Variants in KMT2E observed in about 807,000 individuals in gnomAD.
KMT2E encodes lysine methyltransferase 2E (inactive).
In KMT2E, 30 loss-of-function variants were observed where a neutral mutation model predicts 184.6. The ratio of observed to expected loss-of-function variants is 0.16; its 90% CI spans 0.12 to 0.22. KMT2E has a LOEUF of 0.22. Ranked by LOEUF, KMT2E falls within the 10% of genes least tolerant of loss-of-function variation. The pLI is 1.00. For missense variants in KMT2E, 2,023 were observed against 2,237.4 expected (o/e 0.90, Z 1.93); for synonymous variants, 815 against 776.5 (o/e 1.05, Z -0.82).
intron 6 of KMT2E, among the ~76,000 whole-genome samples, chr7:105,067,987 C>T (rs1393936142): frequency 1.3e-5 from 2 of 152,098 alleles, no homozygotes; most frequent in Non-Finnish European, 1.5e-5. Flanking sequence ...AACAAAAAAC[C>T]GCAAAGCCAT....
intron 1 of KMT2E, among the ~76,000 whole-genome samples, chr7:105,026,266 C>G (rs1458584811): frequency 2.0e-5 from 3 of 152,120 alleles, no homozygotes; most frequent in African/African-American, 7.2e-5. Context: ...AATGGGACTT[C>G]AGGATCTGAC....
intron 3 of KMT2E, among the ~76,000 whole-genome samples, chr7:105,051,413 G>C (rs996591468): frequency 6.6e-6 from 1 of 151,928 alleles, no homozygotes. Context: ...TCAAACTCCC[G>C]ACCTCAGGTG....
At chr7:105,096,709 A>T (rs752459817) in intron 15 of KMT2E, among the ~76,000 whole-genome samples, 1 of 152,248 alleles carries the variant, frequency 6.6e-6, no homozygotes, top group East Asian at 1.9e-4. Context: ...TGTTTATAAC[A>T]ACCACTTGAG....
At chr7:105,075,546 A>G (rs1010224521) in intron 8 of KMT2E, among the ~76,000 whole-genome samples, 1 of 152,134 alleles carries the variant, frequency 6.6e-6, no homozygotes, top group Non-Finnish European at 1.5e-5. Flanking sequence ...CAACAAAATT[A>G]TATGTCTAAC....
At chr7:105,052,858 G>C (rs971971801) in intron 3 of KMT2E, among the ~76,000 whole-genome samples, 2 of 152,062 alleles carry the variant, frequency 1.3e-5, no homozygotes, top group Non-Finnish European at 2.9e-5. Context: ...GAGATTACAG[G>C]CATGAGCCAC....
intron 3 of KMT2E, among the ~76,000 whole-genome samples, chr7:105,042,192 C>T (rs1795909925): frequency 6.6e-6 from 1 of 152,012 alleles, no homozygotes; most frequent in Non-Finnish European, 1.5e-5. Context: ...GGTTTCACCA[C>T]ATTGACCAGG....
rs1275714288 is a variant in KMT2E, at chr7:105,113,396, C to G, written c.*63C>G. 1.3e-6 allele frequency: 2 copies of G among 1,486,662 alleles called. No homozygotes were observed. The highest frequency in any genetic ancestry group is 2.4e-5 in the East Asian group (1 of 42,084). The allele number at this position is 1,486,662 out of a possible 1,614,324, so 92.1% of individuals were successfully genotyped here. A position where few individuals can be genotyped will look rare whatever the true frequency, so the allele number is the denominator to read the frequency against. ...GATAAACTGTATATTTCATATGTAC[C>G]TGTTAAGGTACTTTTTAAAGCTTGT... On this transcript the variant is annotated 3_prime_UTR_variant, in exon 27 of 27. Coordinates refer to ENST00000311117, the MANE Select transcript of KMT2E (RefSeq NM_182931.3).
chr7:105,087,115 CTATG>C (rs1443254388), intron 13 of KMT2E, among the ~76,000 whole-genome samples: 1 of 146,100 alleles, frequency 6.8e-6, no homozygotes, highest in Non-Finnish European at 1.5e-5. Context: ...AGCATATGTG[CTATG>C]TATGTGCTAA....
rs771888279 is a variant in KMT2E, at chr7:105,107,148, TTC to T, written c.2848-16_2848-15del. On this transcript the variant is annotated splice_polypyrimidine_tract_variant and intron_variant, in intron 20 of 26. Coordinates refer to ENST00000311117, the MANE Select transcript of KMT2E (RefSeq NM_182931.3). ...CGTATTTTTAAATTTTCAATTCTAA[TTC>T]TTTCTTTATATACAGAATATTTCTT... 5 of 1,325,446 alleles carry T rather than the reference TTC, an allele frequency of 3.8e-6. No homozygotes were observed. Among genetic ancestry groups the T allele is most frequent in the Admixed American group, 4.6e-5 (2 of 43,416 alleles). 82.1% of individuals were successfully genotyped at this position (1,325,446 alleles called of 1,614,324 possible). A position where few individuals can be genotyped will look rare whatever the true frequency, so the allele number is the denominator to read the frequency against.
At chr7:105,018,924 A>G (rs1292761257) in intron 1 of KMT2E, among the ~76,000 whole-genome samples, 1 of 152,194 alleles carries the variant, frequency 6.6e-6, no homozygotes, top group Non-Finnish European at 1.5e-5. Flanking sequence ...TGCAATTGCT[A>G]TTAAACAATG....
At chr7:105,077,653 A>G (rs1797587557) in intron 11 of KMT2E, 3 of 441,212 alleles carry the variant, frequency 6.8e-6, no homozygotes, top group African/African-American at 2.0e-5. Context: ...TCTCTTGCTC[A>G]TGTCTGTCTT....
chr7:105,054,672 G>T (rs1796501791), intron 3 of KMT2E, among the ~76,000 whole-genome samples: 1 of 152,010 alleles, frequency 6.6e-6, no homozygotes, highest in South Asian at 2.1e-4. Context: ...GAGCCACCAT[G>T]CCTGGCTAAT....
chr7:105,029,735 G>A (rs776626271), intron 1 of KMT2E, among the ~76,000 whole-genome samples: 8 of 152,158 alleles, frequency 5.3e-5, no homozygotes, highest in Non-Finnish European at 1.2e-4. Context: ...TCACTTTGAA[G>A]GCTTGATTTT....
intron 1 of KMT2E, among the ~76,000 whole-genome samples, chr7:105,025,596 A>C (rs1435433094): frequency 6.6e-6 from 1 of 152,164 alleles, no homozygotes; most frequent in Non-Finnish European, 1.5e-5. Flanking sequence ...ATGTTGAATG[A>C]ATGTAAACTA....
chr7:105,089,084 G>A (rs1798097764), intron 13 of KMT2E: 1 of 269,490 alleles, frequency 3.7e-6, no homozygotes, highest in Admixed American at 5.4e-5. Context: ...GTAAACCACA[G>A]TATCATTTTG....
At chr7:105,050,791 A>G (rs1796306098) in intron 3 of KMT2E, among the ~76,000 whole-genome samples, 1 of 150,838 alleles carries the variant, frequency 6.6e-6, no homozygotes, top group Non-Finnish European at 1.5e-5. Flanking sequence ...GTGCAATGGC[A>G]TGATCTCAGC....
At chr7:105,071,221 T>C (rs1022313261) in intron 6 of KMT2E, among the ~76,000 whole-genome samples, 6 of 152,196 alleles carry the variant, frequency 3.9e-5, no homozygotes, top group Non-Finnish European at 8.8e-5. Context: ...TAGTTGCCTT[T>C]GTATGGACAC....
At chr7:105,017,484 T>C (rs1584679740) in intron 1 of KMT2E, among the ~76,000 whole-genome samples, 1 of 151,970 alleles carries the variant, frequency 6.6e-6, no homozygotes, top group East Asian at 1.9e-4. Context: ...GGCTTTTTTT[T>C]TTTTTAAGTA....
intron 3 of KMT2E, among the ~76,000 whole-genome samples, chr7:105,060,334 A>G (rs1341131029): frequency 6.6e-6 from 1 of 152,162 alleles, no homozygotes; most frequent in East Asian, 1.9e-4. Context: ...ACACCAGACC[A>G]CATAATACAA....
Sources: allele counts gnomAD v4.1 joint callset (sites outside exome capture counted in the v4.1 genomes callset), GRCh38; gene constraint gnomAD v4.1.1; transcripts MANE v1.5; gene names NCBI Gene and HGNC (gene_info 2026-07-23, HGNC 2026-07-21).